The following GJA5 variants were observed in gnomAD, a reference collection of about 807,000 sequenced individuals.
The protein encoded by GJA5 is gap junction alpha-5 protein.
GJA5 carries 3 observed loss-of-function variants against 7.9 expected under a neutral mutation model. The observed-to-expected ratio is 0.38, with a 90% CI of 0.17 to 0.99. The LOEUF is 0.99. Among genes scored for constraint, GJA5 ranks in the 50% least tolerant of loss-of-function variants. The pLI is 0.38. For missense variants in GJA5, 390 were observed against 457.9 expected, an observed-to-expected ratio of 0.85 and a Z score of 1.35; for synonymous variants, 193 against 181.0, an observed-to-expected ratio of 1.07 and a Z score of -0.53.
At chr1:147,760,171 C>T (rs1414097153) in intron 1 of GJA5, among the ~76,000 whole-genome samples, 9 of 152,164 alleles carry the variant, frequency 5.9e-5, no homozygotes, top group African/African-American at 1.7e-4. Flanking sequence ...GTTTCTGTGT[C>T]TCATTTAAAT....
chr1:147,760,913 A>G (rs1478943344), upstream of GJA5, among the ~76,000 whole-genome samples: 1 of 151,852 alleles, frequency 6.6e-6, no homozygotes, highest in East Asian at 1.9e-4. Flanking sequence ...CCTCACTCAC[A>G]GTGCTCCCAT....
intron 1 of GJA5, among the ~76,000 whole-genome samples, chr1:147,771,438 T>C (rs1422146532): frequency 6.6e-6 from 1 of 151,970 alleles, no homozygotes; most frequent in African/African-American, 2.4e-5. Context: ...CTCCTACGAG[T>C]CATGCCCTTC....
At chr1:147,768,925 G>C (rs1164199093) in intron 1 of GJA5, among the ~76,000 whole-genome samples, 2 of 152,178 alleles carry the variant, frequency 1.3e-5, no homozygotes, top group Admixed American at 1.3e-4. Context: ...AGAAAACCAA[G>C]GACTAGGACT....
intron 1 of GJA5, among the ~76,000 whole-genome samples, chr1:147,768,136 G>C (rs1664274504): frequency 1.3e-5 from 2 of 152,262 alleles, no homozygotes; most frequent in Non-Finnish European, 2.9e-5. Flanking sequence ...ATTGTAGAGG[G>C]GAAAGGAAGA....
intron 1 of GJA5, among the ~76,000 whole-genome samples, chr1:147,767,237 C>G (rs941409618): frequency 6.6e-6 from 1 of 151,664 alleles, no homozygotes. Flanking sequence ...GTTACACACA[C>G]AAAAAAAGAA....
Position 147,756,345 on chromosome 1 carries a change from G to A in GJA5, c.*1817C>T, listed in dbSNP as rs587632843. The A allele has an allele frequency of 6.6e-6, 1 of 152,214 alleles. No individual in the cohort carries two copies. The highest frequency in any genetic ancestry group is 1.9e-4 in the East Asian group (1 of 5,202). The allele number at this position is 152,214 out of a possible 1,614,324, so 9.4% of individuals were successfully genotyped here. A position where few individuals can be genotyped will look rare whatever the true frequency, so the allele number is the denominator to read the frequency against. ...AAAACATTTCAGAGATAGAAGGAGA[G>A]AAAATATTAATGCTAGGCAATAGAT... On this transcript the variant is annotated 3_prime_UTR_variant, in exon 2 of 2. Coordinates refer to ENST00000579774, the MANE Select transcript of GJA5 (RefSeq NM_181703.4).
At chr1:147,765,865 A>C (rs782439144) in intron 1 of GJA5, among the ~76,000 whole-genome samples, 3 of 152,140 alleles carry the variant, frequency 2.0e-5, no homozygotes, top group South Asian at 2.1e-4. Context: ...TGCAGCATCA[A>C]CTAGGTAGGC....
In GJA5 at chr1:147,756,805, A is replaced by C. The variant is rs1663756001; in HGVS notation, c.*1357T>G. On this transcript the variant is annotated 3_prime_UTR_variant, in exon 2 of 2. Transcript: ENST00000579774. ...CCTTCATCCAAAACAACAGCAACCC[A>C]TTATGGATCCAGTGAATACAGAGAC... 1 of 152,216 alleles carries C rather than the reference A, an allele frequency of 6.6e-6. No homozygotes were observed. The highest frequency in any genetic ancestry group is 2.4e-5 in the African/African-American group (1 of 41,420). The allele number at this position is 152,216 out of a possible 1,614,324, so 9.4% of individuals were successfully genotyped here.
intron 1 of GJA5, among the ~76,000 whole-genome samples, chr1:147,766,518 C>T (rs1251287640): frequency 2.0e-5 from 3 of 152,094 alleles, no homozygotes; most frequent in East Asian, 1.9e-4. Context: ...GTGACCAGAA[C>T]ACCAGGGAGA....
chr1:147,769,469 G>A (rs890546585), intron 1 of GJA5, among the ~76,000 whole-genome samples: 1 of 152,208 alleles, frequency 6.6e-6, no homozygotes, highest in Non-Finnish European at 1.5e-5. Context: ...TATTCATGGG[G>A]ATAACGTAAT....
upstream of GJA5, among the ~76,000 whole-genome samples, chr1:147,761,525 C>T (rs937057475): frequency 6.6e-6 from 1 of 152,150 alleles, no homozygotes; most frequent in Non-Finnish European, 1.5e-5. Context: ...CCTGAGTGAG[C>T]GGAAAGCATC....
rs782795886 is a variant in GJA5, at chr1:147,758,372, G to A, written c.867C>T (p.Ser289=). ...TGACCAGGTTGTCTGTGTTTTGTTG[G>A]GAGGCCATATTATTGCTGAAGGGAT... ...FFNPFSNNMA[S]QQNTDNLVTE... is the part of the protein sequence containing the mutation. The change falls in exon 2 of 2, where the codon TCC becomes TCT. Residue 289 remains serine, a synonymous_variant. Coordinates refer to ENST00000579774, the MANE Select transcript of GJA5 (RefSeq NM_181703.4). 52 of 1,614,002 alleles carry A rather than the reference G, an allele frequency of 3.2e-5. No individual in the cohort carries two copies. Among genetic ancestry groups the A allele is most frequent in the Non-Finnish European group, 4.2e-5 (50 of 1,180,018 alleles).
upstream of GJA5, among the ~76,000 whole-genome samples, chr1:147,763,296 G>A (rs1025016468): frequency 2.0e-5 from 3 of 152,202 alleles, no homozygotes; most frequent in Non-Finnish European, 4.4e-5. Context: ...GGGATTCCCT[G>A]ACTTCACTGA....
chr1:147,770,061 T>C (rs1440879245), intron 1 of GJA5, among the ~76,000 whole-genome samples: 1 of 152,068 alleles, frequency 6.6e-6, no homozygotes, highest in Non-Finnish European at 1.5e-5. Context: ...GTCTACTCTG[T>C]GATCTGAGGG....
intron 1 of GJA5, among the ~76,000 whole-genome samples, chr1:147,767,220 T>C (rs1383999205): frequency 6.6e-6 from 1 of 152,118 alleles, no homozygotes; most frequent in Non-Finnish European, 1.5e-5. Flanking sequence ...GTCTTCTAGT[T>C]TACCCAGTTA....
upstream of GJA5, among the ~76,000 whole-genome samples, chr1:147,763,085 C>T (rs587725967): frequency 2.7e-4 from 41 of 152,364 alleles, no homozygotes; most frequent in African/African-American, 9.6e-4. Context: ...TCCACTCACA[C>T]ACTCAATACT....
At chr1:147,769,248 G>A (rs1444205857) in intron 1 of GJA5, among the ~76,000 whole-genome samples, 2 of 152,210 alleles carry the variant, frequency 1.3e-5, no homozygotes, top group Admixed American at 6.5e-5. Context: ...TCTACTGCCC[G>A]GTTCTTGGCT....
chr1:147,763,488 A>G (rs1664092082), upstream of GJA5, among the ~76,000 whole-genome samples: 2 of 152,170 alleles, frequency 1.3e-5, no homozygotes, highest in Admixed American at 1.3e-4. Flanking sequence ...GCCCTCTGCC[A>G]CTGATACAAG....
chr1:147,761,797 T>C (rs782632526), upstream of GJA5, among the ~76,000 whole-genome samples: 43 of 151,750 alleles, frequency 2.8e-4, 1 homozygote, highest in Admixed American at 8.5e-4. Context: ...GACTGAACTA[T>C]GGTAAATGTC....
Sources: gnomAD v4.1 joint callset for allele counts (sites outside exome capture counted in the v4.1 genomes callset) on GRCh38, gnomAD v4.1.1 for gene constraint, MANE v1.5 for transcripts, NCBI Gene and HGNC (gene_info 2026-07-23, HGNC 2026-07-21) for gene names.